The following OCA2 variants were observed in gnomAD, a reference collection of about 807,000 sequenced individuals.
The protein encoded by OCA2 is OCA2 melanosomal transmembrane protein.
OCA2 carries 77 observed loss-of-function variants against 100.2 expected under a neutral mutation model. The ratio of observed to expected loss-of-function variants is 0.77; its 90% confidence interval spans 0.64 to 0.93. The LOEUF (loss-of-function observed/expected upper bound fraction) is 0.93, where lower values mean the gene tolerates loss of function less well. Among genes scored for constraint, OCA2 ranks in the 40% least tolerant of loss-of-function variants. The pLI is 0.00. For missense variants in OCA2, 1,062 were observed against 1,089.1 expected, an observed-to-expected ratio of 0.98 and a Z score of 0.35; for synonymous variants, 432 against 439.2, an observed-to-expected ratio of 0.98 and a Z score of 0.21.
At chr15:28,067,801 T>C (rs1040417045) in intron 2 of OCA2, among the ~76,000 whole-genome samples, 1 of 152,188 alleles carries the variant, frequency 6.6e-6, no homozygotes, top group African/African-American at 2.4e-5. Context: ...ATGGGAAGAA[T>C]GTATGTTCTG....
intron 2 of OCA2, among the ~76,000 whole-genome samples, chr15:28,048,497 AGAAT>A (rs1183121054): frequency 2.0e-5 from 3 of 152,182 alleles, no homozygotes; most frequent in Non-Finnish European, 4.4e-5. Flanking sequence ...CACGTGCAAA[AGAAT>A]GAAGTTAGAC....
At chr15:27,979,115 G>A (rs1490592294) in intron 14 of OCA2, among the ~76,000 whole-genome samples, 1 of 152,154 alleles carries the variant, frequency 6.6e-6, no homozygotes, top group Non-Finnish European at 1.5e-5. Flanking sequence ...TTGATGTAAT[G>A]TACAATATTC....
At chr15:28,093,761 C>G (rs1196831346) in intron 1 of OCA2, among the ~76,000 whole-genome samples, 4 of 152,148 alleles carry the variant, frequency 2.6e-5, no homozygotes, top group African/African-American at 4.8e-5. Context: ...ACGCCACAAT[C>G]AAAAGGAACA....
intron 2 of OCA2, among the ~76,000 whole-genome samples, chr15:28,076,309 G>A (rs2044424225): frequency 6.6e-6 from 1 of 152,192 alleles, no homozygotes; most frequent in Non-Finnish European, 1.5e-5. Context: ...CATGACAGAT[G>A]TAAACGCTGC....
chr15:27,814,476 G>A (rs1157987993), intron 23 of OCA2, among the ~76,000 whole-genome samples: 2 of 152,164 alleles, frequency 1.3e-5, no homozygotes, highest in East Asian at 3.8e-4. Flanking sequence ...GAATAGTCAT[G>A]GGAAACTTGA....
intron 19 of OCA2, among the ~76,000 whole-genome samples, chr15:27,892,280 T>C (rs958334200): frequency 6.6e-6 from 1 of 151,854 alleles, no homozygotes; most frequent in Non-Finnish European, 1.5e-5. Context: ...CAAGTTCCCA[T>C]GAAAGATTTA....
chr15:27,770,884 T>C (rs2031742002), intron 23 of OCA2, among the ~76,000 whole-genome samples: 1 of 55,814 alleles, frequency 1.8e-5, no homozygotes, highest in Admixed American at 1.6e-4. Flanking sequence ...CTTCCTTTGC[T>C]CCTTCCCATC....
chr15:28,085,996 A>G (rs2044769607), intron 1 of OCA2, among the ~76,000 whole-genome samples: 1 of 152,040 alleles, frequency 6.6e-6, no homozygotes, highest in Non-Finnish European at 1.5e-5. Context: ...GCACCCTCCA[A>G]AGGCTATTAC....
intron 17 of OCA2, among the ~76,000 whole-genome samples, chr15:27,954,706 AC>A (rs145092455): frequency 3.7e-4 from 56 of 150,814 alleles, no homozygotes; most frequent in Admixed American, 4.6e-4. Context: ...GCCAAAAAAA[AC>A]AAAACAAAAG....
chr15:27,725,641 TC>T, the OCA2 span, among the ~76,000 whole-genome samples: 11 of 152,194 alleles, frequency 7.2e-5, no homozygotes, highest in South Asian at 2.3e-3. Flanking sequence ...ATAGGACAGA[TC>T]AGGGAGGTTC....
chr15:28,028,020 A>G lies in OCA2; in HGVS notation c.366T>C (p.Thr122=), dbSNP rs1733669101. Residue 122 remains threonine, a synonymous_variant, in exon 4 of 24, where the codon ACT becomes ACC. Coordinates refer to ENST00000354638, the MANE Select transcript of OCA2 (RefSeq NM_000275.3). ...CIPVYHPEFI[T]AEESWEDSSA... ...AGCTGTCTTCCCAAGACTCTTCAGC[A>G]GTGATGAACTCTGGATGGTAAACAG... The G allele has an allele frequency of 1.2e-6, 2 of 1,614,132 alleles. No homozygotes were observed. Among genetic ancestry groups the G allele is most frequent in the African/African-American group, 2.7e-5 (2 of 74,948 alleles).
In OCA2 at chr15:28,099,268, C is replaced by T. The variant is rs1313816006; in HGVS notation, c.-66G>A. The T allele has an allele frequency of 6.6e-6, 1 of 152,290 alleles. No individual in the cohort carries two copies. Among genetic ancestry groups the T allele is most frequent in the Non-Finnish European group, 1.5e-5 (1 of 68,076 alleles). 9.4% of individuals were successfully genotyped at this position (152,290 alleles called of 1,614,324 possible). ...TCTCCAGGAGTGAGTTTAAGGTCCG[C>T]ACCTCCGCTCTGGATGGTGAGCGGA... On this transcript the variant is annotated 5_prime_UTR_variant, in exon 1 of 24. Coordinates refer to ENST00000354638, the MANE Select transcript of OCA2 (RefSeq NM_000275.3).
intron 23 of OCA2, among the ~76,000 whole-genome samples, chr15:27,756,901 C>G (rs2030419937): frequency 6.6e-6 from 1 of 152,202 alleles, no homozygotes; most frequent in Non-Finnish European, 1.5e-5. Flanking sequence ...CAAGTGAGAG[C>G]CACTGATGTC....
chr15:27,817,612 C>T (rs2034351971), intron 23 of OCA2, among the ~76,000 whole-genome samples: 1 of 152,130 alleles, frequency 6.6e-6, no homozygotes, highest in Non-Finnish European at 1.5e-5. Flanking sequence ...CCTCACCCTC[C>T]ATGATCCTCT....
At chr15:27,989,985 G>A (rs1237778209) in intron 10 of OCA2, among the ~76,000 whole-genome samples, 1 of 152,178 alleles carries the variant, frequency 6.6e-6, no homozygotes, top group Non-Finnish European at 1.5e-5. Context: ...TGCCGTGCCT[G>A]AGACCAGATG....
chr15:27,846,555 A>G (rs4778197), intron 22 of OCA2, among the ~76,000 whole-genome samples: 39,843 of 152,116 alleles, frequency 0.26, 5,777 homozygotes, highest in East Asian at 0.56. Flanking sequence ...GATTGAAAAA[A>G]ATGCCCATTT....
At chr15:27,949,392 G>T (rs1181145669) in intron 18 of OCA2, among the ~76,000 whole-genome samples, 1 of 152,226 alleles carries the variant, frequency 6.6e-6, no homozygotes, top group African/African-American at 2.4e-5. Flanking sequence ...GCCGGGCATA[G>T]TAGCTCGTGC....
At chr15:27,778,482 C>T (rs1342700276) in intron 23 of OCA2, among the ~76,000 whole-genome samples, 3 of 152,188 alleles carry the variant, frequency 2.0e-5, no homozygotes, top group East Asian at 1.9e-4. Context: ...GGCCCCTTTC[C>T]TTGCACATGG....
At chr15:28,041,901 TAGAA>T (rs2043211951) in intron 2 of OCA2, among the ~76,000 whole-genome samples, 1 of 152,074 alleles carries the variant, frequency 6.6e-6, no homozygotes, top group South Asian at 2.1e-4. Context: ...TGGTTTTAGA[TAGAA>T]AGAGTGAATG....
Sources: allele counts gnomAD v4.1 joint callset (sites outside exome capture counted in the v4.1 genomes callset), GRCh38; gene constraint gnomAD v4.1.1; transcripts MANE v1.5; gene names NCBI Gene and HGNC (gene_info 2026-07-23, HGNC 2026-07-21).